Variants in MYO5B observed in about 807,000 individuals in gnomAD.
MYO5B encodes the protein unconventional myosin-Vb.
A neutral mutation model predicts 229.3 loss-of-function variants in MYO5B; 143 were observed. The observed-to-expected ratio is 0.62, with a 90% CI of 0.54 to 0.72. The LOEUF (loss-of-function observed/expected upper bound fraction) is 0.72. Among genes scored for constraint, MYO5B ranks in the 30% least tolerant of loss-of-function variants. The probability of loss-of-function intolerance (pLI) is 0.00; values close to 1 mark genes in which losing one functional copy is unlikely to be tolerated. For missense variants in MYO5B, 2,321 were observed against 2,331.0 expected, an observed-to-expected ratio of 1.00 and a Z score of 0.09; for synonymous variants, 918 against 885.2, an observed-to-expected ratio of 1.04 and a Z score of -0.66.
intron 11 of MYO5B, 135 bp downstream of exon 11, chr18:49,962,814 T>C: frequency 2.5e-6 from 2 of 807,176 alleles, no homozygotes; most frequent in Non-Finnish European, 4.4e-6. Context: ...AAGCTGGAGG[T>C]ACCACCAGGA....
chr18:50,097,372 C>T (rs2031572722), intron 1 of MYO5B: 2 of 437,986 alleles, frequency 4.6e-6, no homozygotes, highest in Non-Finnish European at 9.3e-6. Context: ...AGTCCAAGTT[C>T]ACTATGTGGT....
At position 50,107,109 on chromosome 18, in the gene MYO5B, C is replaced by CTTT. The variant is rs71169479; in HGVS notation, c.28-51734_28-51732dup. 7.5e-3 allele frequency among the ~76,000 whole-genome samples: 425 copies of CTTT among 56,650 alleles called. 58 individuals carry two copies. The highest frequency in any genetic ancestry group is 8.1e-3 in the Non-Finnish European group (254 of 31,210). The allele number at this position is 56,650 out of a possible 152,430, so 37.2% of individuals were successfully genotyped here. On this transcript the variant is annotated intron_variant, in intron 1 of 39. Transcript: ENST00000285039. ...AGGGTTTCCTAATGCCTTAGGGTGC[C>CTTT]TTTTTTTTTTTTTTTTTTTTTTTTT...
chr18:49,900,430 C>T (rs1598868329), intron 21 of MYO5B, among the ~76,000 whole-genome samples: 4 of 152,290 alleles, frequency 2.6e-5, no homozygotes, highest in Admixed American at 2.6e-4. Flanking sequence ...AGGAGCCAAG[C>T]CAAACAAGGC....
chr18:50,018,655 G>C (rs1289435702), intron 4 of MYO5B, among the ~76,000 whole-genome samples: 2 of 152,164 alleles, frequency 1.3e-5, no homozygotes, highest in African/African-American at 4.8e-5. Context: ...CAGAGAGCTG[G>C]TATCACTTGC....
intron 17 of MYO5B, among the ~76,000 whole-genome samples, chr18:49,916,262 A>G (rs1033543982): frequency 6.6e-6 from 1 of 152,224 alleles, no homozygotes; most frequent in Non-Finnish European, 1.5e-5. Flanking sequence ...ATACTCAAGG[A>G]AATTACTAGA....
chr18:49,876,133 T>C (rs1281270514), intron 25 of MYO5B: 1 of 397,014 alleles, frequency 2.5e-6, no homozygotes, highest in African/African-American at 2.1e-5. Context: ...ACAGGCACTT[T>C]CTTTGGAAGT....
At chr18:49,937,573 C>T (rs903807031) in intron 14 of MYO5B, among the ~76,000 whole-genome samples, 176 bp from the exon 15 acceptor site, 1 of 152,144 alleles carries the variant, frequency 6.6e-6, no homozygotes, top group African/African-American at 2.4e-5. Flanking sequence ...GTAGGAACAA[C>T]CCAAATACCA....
At chr18:49,943,956 T>C (rs777212004) in intron 14 of MYO5B, among the ~76,000 whole-genome samples, 2 of 152,104 alleles carry the variant, frequency 1.3e-5, no homozygotes, top group Admixed American at 1.3e-4. Context: ...GTGGAAGTAA[T>C]GGCACCTATG....
chr18:50,102,003 C>T (rs1158293182), intron 1 of MYO5B, among the ~76,000 whole-genome samples: 2 of 152,142 alleles, frequency 1.3e-5, no homozygotes, highest in African/African-American at 4.8e-5. Context: ...TGATGATAGA[C>T]TGGATTTAAA....
Position 49,849,778 on chromosome 18 carries a change from C to T in MYO5B, c.4222-118G>A, listed in dbSNP as rs564843427. On this transcript the variant is annotated intron_variant, in intron 31 of 39. Coordinates refer to ENST00000285039, the MANE Select transcript of MYO5B (RefSeq NM_001080467.3). ...GGCCCATGGGCAGCCGTCAGAAATG[C>T]GCCAGTCAGGGACGCTGCCAGGAGA... The T allele has an allele frequency of 2.5e-4, 200 of 804,568 alleles. No homozygotes were observed. The East Asian group carries it at 3.7e-3, about 15-fold the overall frequency. 49.8% of individuals were successfully genotyped at this position (804,568 alleles called of 1,614,324 possible).
At position 50,027,398 on chromosome 18, in the gene MYO5B, C is replaced by T. The variant is rs570212009; in HGVS notation, c.455+9452G>A. Among the ~76,000 whole-genome samples, 10 of 152,242 alleles carry T rather than the reference C, an allele frequency of 6.6e-5. No homozygotes were observed. The South Asian group carries it at 1.7e-3, about 25-fold the overall frequency. The stretch of plus-strand genomic sequence containing the variant: ...CATGTTCAGTGCTCCAATACTTGAG[C>T]CCATTTATGCCTTACAGTGACCTGA... On this transcript the variant is annotated intron_variant, in intron 4 of 39. Transcript: ENST00000285039.
At chr18:49,988,121 G>T (rs1238177239) in intron 7 of MYO5B, among the ~76,000 whole-genome samples, 4 of 152,218 alleles carry the variant, frequency 2.6e-5, no homozygotes, top group Admixed American at 6.5e-5. Context: ...AAGCCAAGGG[G>T]TCTTGCAGAG....
At chr18:50,007,160 C>T (rs1481246526) in intron 4 of MYO5B, among the ~76,000 whole-genome samples, 2 of 152,176 alleles carry the variant, frequency 1.3e-5, no homozygotes, top group Non-Finnish European at 2.9e-5. Flanking sequence ...TTGGCAGGCT[C>T]TGTGCTTTCA....
chr18:49,962,907 C>T (rs575877687), intron 11 of MYO5B, 42 bp downstream of exon 11: 3 of 1,528,570 alleles, frequency 2.0e-6, no homozygotes, highest in South Asian at 1.1e-5. Flanking sequence ...CCAGAGGAGT[C>T]CCCCCAATCC....
chr18:49,866,670 C>T (rs963682231), intron 27 of MYO5B, among the ~76,000 whole-genome samples: 9 of 152,220 alleles, frequency 5.9e-5, no homozygotes, highest in African/African-American at 1.9e-4. Flanking sequence ...GAGTCCCATT[C>T]CCCGGCCCTG....
intron 19 of MYO5B, 42 bp from the exon 20 acceptor site, chr18:49,904,870 T>C (rs951188530): frequency 3.1e-5 from 50 of 1,606,622 alleles, no homozygotes; most frequent in African/African-American, 1.9e-4. Flanking sequence ...GGAGAGAGTA[T>C]TGACCGCCCT....
chr18:50,024,166 A>C (rs1568075191), intron 4 of MYO5B, among the ~76,000 whole-genome samples: 2 of 152,228 alleles, frequency 1.3e-5, no homozygotes. Flanking sequence ...CCAATGACCC[A>C]GTGCGGAAGC....
intron 18 of MYO5B, among the ~76,000 whole-genome samples, chr18:49,908,224 C>T (rs1394652688): frequency 6.6e-6 from 1 of 152,230 alleles, no homozygotes; most frequent in Non-Finnish European, 1.5e-5. Flanking sequence ...GAGGGTCTCA[C>T]CTGCTCCACT....
In MYO5B at chr18:49,954,297, C is replaced by G. The variant is rs574753959; in HGVS notation, c.1668+16G>C. The stretch of plus-strand genomic sequence containing the variant: ...GGGGCCAAGGGAATACCCGAGCCAA[C>G]AGAGAGGAGAGCCACCTTGTCTGCA... On this transcript the variant is annotated intron_variant, in intron 13 of 39. Transcript: ENST00000285039. 4 of 1,613,648 alleles carry G rather than the reference C, an allele frequency of 2.5e-6. No individual in the cohort carries two copies. The highest frequency in any genetic ancestry group is 3.4e-6 in the Non-Finnish European group (4 of 1,179,738).
Sources: allele counts gnomAD v4.1 joint callset (sites outside exome capture counted in the v4.1 genomes callset), GRCh38; gene constraint gnomAD v4.1.1; transcripts MANE v1.5; gene names NCBI Gene and HGNC (gene_info 2026-07-23, HGNC 2026-07-21).